The following ADGRF1 variants were observed in gnomAD, a reference collection of about 807,000 sequenced individuals.
The protein encoded by ADGRF1 is G protein-coupled receptor 110.
ADGRF1 carries 85 observed loss-of-function variants against 87.2 expected under a neutral mutation model. The observed-to-expected ratio is 0.97, with a 90% CI of 0.82 to 1.17. The LOEUF is 1.17. ADGRF1 is among the 50% of genes most tolerant of loss of function. The pLI is 0.00. For synonymous variants in ADGRF1, 430 were observed against 408.8 expected, an observed-to-expected ratio of 1.05 and a Z score of -0.63; for missense variants, 1,169 against 1,077.2, an observed-to-expected ratio of 1.09 and a Z score of -1.19.
rs562353951 is a variant in ADGRF1, at chr6:47,034,525, C to T, written c.-43-5421G>A. On this transcript the variant is annotated intron_variant, in intron 1 of 14. Transcript: ENST00000371253. ...GCTCAGTCACTCCTCCCCCAGGACA[C>T]TTCACCAATCTGTGCTAAACTTGCA... 2.6e-5 allele frequency among the ~76,000 whole-genome samples: 4 copies of T among 152,354 alleles called. No homozygotes were observed. The South Asian group carries it at 8.3e-4, about 32-fold the overall frequency.
intron 10 of ADGRF1, 60 bp from the exon 11 acceptor site, chr6:47,010,378 A>G: frequency 2.2e-6 from 3 of 1,361,116 alleles, no homozygotes; most frequent in Non-Finnish European, 3.0e-6. Context: ...GAGGACCAGC[A>G]GTGGATAGTC....
At chr6:47,008,291 C>T (rs1225121545) in intron 11 of ADGRF1, among the ~76,000 whole-genome samples, 1 of 152,198 alleles carries the variant, frequency 6.6e-6, no homozygotes, top group African/African-American at 2.4e-5. Context: ...CTAATGATTG[C>T]TTTGTCCACC....
chr6:47,011,968 G>A (rs1032403843), intron 10 of ADGRF1, 39 bp downstream of exon 10: 15 of 1,564,428 alleles, frequency 9.6e-6, no homozygotes, highest in Non-Finnish European at 1.2e-5. Context: ...ACAGGATCAA[G>A]CATTTAAAGT....
intron 9 of ADGRF1, chr6:47,012,926 C>A (rs562940230): frequency 5.4e-6 from 3 of 551,580 alleles, no homozygotes; most frequent in South Asian, 1.6e-4. Context: ...TGCACCACCA[C>A]GCCCAGCTAA....
In ADGRF1 at chr6:47,009,273, G is replaced by C. The variant is rs117217476; in HGVS notation, c.2162C>G (p.Thr721Arg). ...LIISVITIAV[T>R]QPSNTYKRKD... The stretch of plus-strand genomic sequence containing the variant: ...CCTTTTGTAGGTATTGCTAGGTTGC[G>C]TGACAGCAATGGTAATGACAGATAT... Residue 721 changes from threonine (T) to arginine (R), a missense_variant, in exon 11 of 15, where the codon ACG (threonine) becomes AGG (arginine). Transcript: ENST00000371253. 6.2e-7 allele frequency: 1 copy of C among 1,614,138 alleles called. No homozygotes were observed. The highest frequency in any genetic ancestry group is 1.3e-5 in the African/African-American group (1 of 75,058).
At chr6:47,023,905 G>A in intron 5 of ADGRF1, 139 bp downstream of exon 5, 4 of 722,548 alleles carry the variant, frequency 5.5e-6, no homozygotes, top group Non-Finnish European at 6.7e-6. Context: ...GTCCAGACAG[G>A]CCTAACATGA....
chr6:47,005,131 AG>A (rs1174233201), intron 13 of ADGRF1, among the ~76,000 whole-genome samples: 1 of 152,230 alleles, frequency 6.6e-6, no homozygotes, highest in Non-Finnish European at 1.5e-5. Context: ...AAAGGCCCTC[AG>A]TGCCTCGCTG....
At chr6:47,014,659 C>G (rs752522524) in intron 9 of ADGRF1, 22 bp downstream of exon 9, 8 of 1,610,846 alleles carry the variant, frequency 5.0e-6, no homozygotes, top group Non-Finnish European at 6.8e-6. Flanking sequence ...CAGGGCAAGT[C>G]TACACAGTGA....
At chr6:47,026,647 T>G (rs1028991372) in intron 3 of ADGRF1, among the ~76,000 whole-genome samples, 4 of 151,748 alleles carry the variant, frequency 2.6e-5, no homozygotes, top group Admixed American at 2.0e-4. Context: ...ATCCTATGAG[T>G]CTTCTCCCAT....
At chr6:47,027,635 C>T (rs1468043817) in intron 3 of ADGRF1, 69 bp downstream of exon 3, 36 of 998,652 alleles carry the variant, frequency 3.6e-5, no homozygotes, top group Middle Eastern at 4.2e-4. Flanking sequence ...TCAGGGGCAC[C>T]GCTGGGATTA....
At chr6:47,018,897 C>T (rs1582163022) in intron 7 of ADGRF1, 1 of 211,312 alleles carries the variant, frequency 4.7e-6, no homozygotes, top group South Asian at 7.1e-5. Flanking sequence ...AGTTTAAGAC[C>T]AGCCTGAGCA....
intron 2 of ADGRF1, 150 bp downstream of exon 2, chr6:47,028,843 G>A: frequency 1.5e-6 from 1 of 670,654 alleles, no homozygotes; most frequent in Non-Finnish European, 2.7e-6. Flanking sequence ...AGTGAATGTT[G>A]GTAATGTTGA....
chr6:47,003,095 C>T (rs1779408546), intron 13 of ADGRF1, among the ~76,000 whole-genome samples: 1 of 151,174 alleles, frequency 6.6e-6, no homozygotes. Context: ...TGGATCCCCC[C>T]TCTCAGCCAA....
intron 4 of ADGRF1, 92 bp downstream of exon 4, chr6:47,025,762 G>T: frequency 9.2e-7 from 1 of 1,092,798 alleles, no homozygotes; most frequent in South Asian, 1.7e-5. Flanking sequence ...AGAGATTGTA[G>T]GGATGATTGT....
At chr6:47,024,904 G>C (rs777782606) in intron 4 of ADGRF1, among the ~76,000 whole-genome samples, 7 of 152,334 alleles carry the variant, frequency 4.6e-5, no homozygotes, top group Middle Eastern at 6.8e-3. Context: ...CAATGGAAGA[G>C]AGAAGCAGAA....
At chr6:47,003,728 T>C (rs1490557249) in intron 13 of ADGRF1, among the ~76,000 whole-genome samples, 1 of 152,196 alleles carries the variant, frequency 6.6e-6, no homozygotes, top group East Asian at 1.9e-4. Flanking sequence ...ATACCTCGCA[T>C]GTACTGACTG....
chr6:46,998,769 T>A lies in ADGRF1; in HGVS notation c.*1453A>T, dbSNP rs1038525276. On this transcript the variant is annotated 3_prime_UTR_variant, in exon 15 of 15. Transcript: ENST00000371253. The stretch of plus-strand genomic sequence containing the variant: ...CATAGAGCAGTTTTCTGCAAAGAAG[T>A]CTTTCTCATAAAATTCTGTTGACTC... 2 of 152,254 alleles carry A rather than the reference T, an allele frequency of 1.3e-5. No individual in the cohort carries two copies. The highest frequency in any genetic ancestry group is 2.9e-5 in the Non-Finnish European group (2 of 68,058). The allele number at this position is 152,254 out of a possible 1,614,324, so 9.4% of individuals were successfully genotyped here. A position where few individuals can be genotyped will look rare whatever the true frequency, so the allele number is the denominator to read the frequency against.
chr6:47,020,312 G>A, intron 7 of ADGRF1: 1 of 949,902 alleles, frequency 1.1e-6, no homozygotes, highest in East Asian at 2.8e-5. Flanking sequence ...GGCCAACATG[G>A]TGAAACCCTG....
At chr6:47,011,690 C>T (rs556709574) in intron 10 of ADGRF1, among the ~76,000 whole-genome samples, 57 of 152,270 alleles carry the variant, frequency 3.7e-4, no homozygotes, top group Admixed American at 1.6e-3. Flanking sequence ...TCTGAGCTTG[C>T]GGCCACAGGA....
Sources: allele counts gnomAD v4.1 joint callset (sites outside exome capture counted in the v4.1 genomes callset), GRCh38; gene constraint gnomAD v4.1.1; transcripts MANE v1.5; gene names NCBI Gene and HGNC (gene_info 2026-07-23, HGNC 2026-07-21).